Variants in NTM observed in about 807,000 individuals in gnomAD.
NTM encodes the protein IgLON family member 2.
A neutral mutation model predicts 42.1 loss-of-function variants in NTM; 13 were observed. That is an observed-to-expected ratio of 0.31 (90% CI 0.20 to 0.49). The LOEUF (loss-of-function observed/expected upper bound fraction) is 0.49. NTM is among the 20% of genes least tolerant of loss of function. The pLI, the probability that NTM is intolerant of heterozygous loss-of-function variation, is 0.99. For synonymous variants in NTM, 187 were observed against 179.2 expected, an observed-to-expected ratio of 1.04 and a Z score of -0.35; for missense variants, 373 against 452.8, an observed-to-expected ratio of 0.82 and a Z score of 1.60.
intron 2 of NTM, among the ~76,000 whole-genome samples, chr11:132,016,919 G>T (rs543266403): frequency 1.3e-5 from 2 of 151,990 alleles, no homozygotes; most frequent in Admixed American, 1.3e-4. Context: ...CTTTTCACAT[G>T]CTTATTACTA....
At chr11:131,463,960 A>G (rs1395949834) in intron 1 of NTM, among the ~76,000 whole-genome samples, 2 of 152,238 alleles carry the variant, frequency 1.3e-5, no homozygotes, top group African/African-American at 4.8e-5. Flanking sequence ...GGGACTGGCG[A>G]TAAAGCAGCA....
At chr11:131,648,919 G>A (rs2066110501) in intron 1 of NTM, among the ~76,000 whole-genome samples, 1 of 152,140 alleles carries the variant, frequency 6.6e-6, no homozygotes, top group Admixed American at 6.5e-5. Context: ...AGACATAGAA[G>A]AATAAAAACC....
chr11:131,374,175 T>C (rs1448621275), intron 1 of NTM, among the ~76,000 whole-genome samples: 1 of 152,182 alleles, frequency 6.6e-6, no homozygotes, highest in African/African-American at 2.4e-5. Flanking sequence ...TCAGGGAGCC[T>C]CATCGAATGG....
In NTM at chr11:131,911,657, C is replaced by G. The variant is rs889715328; in HGVS notation, c.167+9C>G. ...GAGAGCGCCACCCTCAGGTAGGGAG[C>G]TGACATTGTTCTGCGAACTGATGGT... On this transcript the variant is annotated intron_variant, in intron 2 of 8. Coordinates refer to ENST00000683400, the MANE Select transcript of NTM (RefSeq NM_001352005.2). The G allele has an allele frequency of 1.2e-6, 2 of 1,613,866 alleles. No homozygotes were observed. The highest frequency in any genetic ancestry group is 2.7e-5 in the African/African-American group (2 of 74,916).
At position 131,925,837 on chromosome 11, in the gene NTM, G is replaced by A. The variant is rs988634943; in HGVS notation, c.167+14189G>A. On this transcript the variant is annotated intron_variant, in intron 2 of 8. Transcript: ENST00000683400. ...AGGAATGGAGGCAATGCAGAGACAC[G>A]GGGCAAGATTCAGGTGCCTCGATTC... Among the ~76,000 whole-genome samples the A allele has an allele frequency of 3.3e-5, 5 of 152,272 alleles. No individual in the cohort carries two copies. The East Asian group carries it at 9.7e-4, about 29-fold the overall frequency.
At chr11:131,891,954 G>A (rs2051413734) in intron 1 of NTM, among the ~76,000 whole-genome samples, 2 of 152,164 alleles carry the variant, frequency 1.3e-5, no homozygotes, top group Admixed American at 6.5e-5. Flanking sequence ...TCTCTAAAAT[G>A]AGCCACAGCC....
At chr11:131,607,158 C>G (rs2061039083) in intron 1 of NTM, among the ~76,000 whole-genome samples, 1 of 152,154 alleles carries the variant, frequency 6.6e-6, no homozygotes, top group African/African-American at 2.4e-5. Flanking sequence ...TCACTTGCGA[C>G]CAGCCAGGAG....
intron 2 of NTM, among the ~76,000 whole-genome samples, chr11:132,116,976 T>G (rs1360848479): frequency 6.6e-6 from 1 of 152,192 alleles, no homozygotes; most frequent in African/African-American, 2.4e-5. Flanking sequence ...ACAGAGCTTC[T>G]TATGCTAATA....
chr11:131,612,544 A>T (rs1425101816), intron 1 of NTM, among the ~76,000 whole-genome samples: 1 of 152,250 alleles, frequency 6.6e-6, no homozygotes, highest in Non-Finnish European at 1.5e-5. Context: ...AGCCTCATGG[A>T]GGGAAGCAAA....
chr11:131,535,786 G>T (rs549604835), intron 1 of NTM: 2 of 152,356 alleles, frequency 1.3e-5, no homozygotes. Context: ...TGCTTCTGTA[G>T]CTTCTCCTTG....
At chr11:131,754,530 C>A (rs2083056556) in intron 1 of NTM, among the ~76,000 whole-genome samples, 1 of 151,158 alleles carries the variant, frequency 6.6e-6, no homozygotes, top group African/African-American at 2.4e-5. Flanking sequence ...GAGGCTGAGG[C>A]AAGAGAATTG....
intron 4 of NTM, among the ~76,000 whole-genome samples, chr11:132,221,301 A>G (rs1337781492): frequency 6.6e-6 from 1 of 152,160 alleles, no homozygotes; most frequent in Non-Finnish European, 1.5e-5. Flanking sequence ...ATTTATGCAT[A>G]GTAATATCTA....
intron 1 of NTM, among the ~76,000 whole-genome samples, chr11:131,684,172 G>A (rs118074219): frequency 0.019 from 2,889 of 152,252 alleles, 36 homozygotes; most frequent in Non-Finnish European, 0.028. Context: ...TCCTGTGTGT[G>A]GGGCTCTGAG....
intron 2 of NTM, among the ~76,000 whole-genome samples, chr11:131,929,982 C>T (rs2134074529): frequency 6.6e-6 from 1 of 152,210 alleles, no homozygotes; most frequent in South Asian, 2.1e-4. Context: ...AACACTTTTT[C>T]ATTGCTTTAA....
At chr11:132,262,426 A>G (rs1032340800) in intron 4 of NTM, among the ~76,000 whole-genome samples, 1 of 152,142 alleles carries the variant, frequency 6.6e-6, no homozygotes, top group African/African-American at 2.4e-5. Flanking sequence ...AACAACAGAC[A>G]TTTACTTCTC....
chr11:132,186,999 A>G (rs894631635), intron 3 of NTM, among the ~76,000 whole-genome samples: 14 of 152,158 alleles, frequency 9.2e-5, no homozygotes, highest in Admixed American at 2.6e-4. Flanking sequence ...CTCCGTGTCT[A>G]GGAGAACATT....
chr11:132,087,221 A>C (rs1474315490), intron 2 of NTM, among the ~76,000 whole-genome samples: 3 of 152,088 alleles, frequency 2.0e-5, no homozygotes, highest in African/African-American at 7.2e-5. Context: ...ACCCATGCTA[A>C]GGGGAGGCCT....
At chr11:131,648,293 G>A (rs1025270733) in intron 1 of NTM, among the ~76,000 whole-genome samples, 4 of 152,246 alleles carry the variant, frequency 2.6e-5, no homozygotes, top group Non-Finnish European at 4.4e-5. Flanking sequence ...AGTCATGCTG[G>A]AGTGAACATG....
chr11:131,765,602 C>T (rs1013635719), intron 1 of NTM, among the ~76,000 whole-genome samples: 1 of 152,064 alleles, frequency 6.6e-6, no homozygotes, highest in African/African-American at 2.4e-5. Flanking sequence ...TAACATGGAC[C>T]ATGTATACAG....
Sources: allele counts gnomAD v4.1 joint callset (sites outside exome capture counted in the v4.1 genomes callset), GRCh38; gene constraint gnomAD v4.1.1; transcripts MANE v1.5; gene names NCBI Gene and HGNC (gene_info 2026-07-23, HGNC 2026-07-21).